BACE2: variants seen among roughly 807,000 people sequenced by gnomAD.
BACE2 encodes the protein beta-secretase 2.
Under a neutral mutation model 46.2 loss-of-function variants are expected in BACE2, and 17 were observed. The ratio of observed to expected loss-of-function variants is 0.37; its 90% CI spans 0.25 to 0.55. The LOEUF (loss-of-function observed/expected upper bound fraction) is 0.55. BACE2 is among the 20% of genes least tolerant of loss of function. BACE2 has a pLI of 0.82. For missense variants in BACE2, 595 were observed against 698.1 expected, an observed-to-expected ratio of 0.85 and a Z score of 1.66; for synonymous variants, 277 against 295.9, an observed-to-expected ratio of 0.94 and a Z score of 0.66.
chr21:41,228,870 CA>C (rs1986894720), intron 2 of BACE2, among the ~76,000 whole-genome samples: 1 of 152,114 alleles, frequency 6.6e-6, no homozygotes, highest in African/African-American at 2.4e-5. Context: ...CCTGGATTTC[CA>C]TAGTAGCGAA....
At chr21:41,189,359 CT>C (rs1408269110) in intron 1 of BACE2, among the ~76,000 whole-genome samples, 1 of 152,186 alleles carries the variant, frequency 6.6e-6, no homozygotes, top group Non-Finnish European at 1.5e-5. Flanking sequence ...CCTTGTCTGT[CT>C]TTTTGGTTCT....
chr21:41,231,465 T>G (rs1986965298), intron 2 of BACE2, among the ~76,000 whole-genome samples: 1 of 152,190 alleles, frequency 6.6e-6, no homozygotes, highest in South Asian at 2.1e-4. Flanking sequence ...GTCGAATGGC[T>G]TAGGAGAACC....
chr21:41,221,962 C>T lies in BACE2; in HGVS notation c.313-4304C>T, dbSNP rs1349379044. Among the ~76,000 whole-genome samples the T allele has an allele frequency of 2.6e-5, 4 of 152,154 alleles. No homozygotes were observed. The East Asian group carries it at 7.7e-4, about 29-fold the overall frequency. On this transcript the variant is annotated intron_variant, in intron 1 of 8. Transcript: ENST00000330333. ...AGGCTTCACGCTGGTGGGGCGGAGG[C>T]AGCAGGAGCTGTCGGGACCCCGTGA...
intron 8 of BACE2, among the ~76,000 whole-genome samples, chr21:41,268,019 C>T (rs2088396883): frequency 6.6e-6 from 1 of 152,186 alleles, no homozygotes; most frequent in Admixed American, 6.5e-5. Context: ...AGATCCTGAC[C>T]TTTCAGAGAA....
chr21:41,264,816 T>C (rs1050411618), intron 8 of BACE2, among the ~76,000 whole-genome samples: 3 of 152,058 alleles, frequency 2.0e-5, no homozygotes, highest in Non-Finnish European at 4.4e-5. Flanking sequence ...TAATACCCTG[T>C]CCACAAAAAA....
chr21:41,242,022 C>A, intron 4 of BACE2, 75 bp downstream of exon 4: 2 of 1,584,566 alleles, frequency 1.3e-6, no homozygotes, highest in Non-Finnish European at 8.6e-7. Flanking sequence ...TATTAAACAC[C>A]TGAGCAGAAA....
chr21:41,198,152 C>G (rs1251230600), intron 1 of BACE2, among the ~76,000 whole-genome samples: 2 of 151,994 alleles, frequency 1.3e-5, no homozygotes, highest in African/African-American at 2.4e-5. Flanking sequence ...CCACCACACC[C>G]AGCTGATGTT....
chr21:41,279,129 C>T lies in BACE2; in HGVS notation c.*3505C>T, dbSNP rs984698086. On this transcript the variant is annotated 3_prime_UTR_variant, in exon 9 of 9. Coordinates refer to ENST00000330333, the MANE Select transcript of BACE2 (RefSeq NM_012105.5). ...TTTTTAATGCCGAGAAAAGTCCATG[C>T]CACAGAAGTTATTGTGTATGTCTCT... The T allele has an allele frequency of 4.0e-5, 6 of 151,762 alleles. No homozygotes were observed. The highest frequency in any genetic ancestry group is 8.8e-5 in the Non-Finnish European group (6 of 67,978). 9.4% of individuals were successfully genotyped at this position (151,762 alleles called of 1,614,324 possible). A position where few individuals can be genotyped will look rare whatever the true frequency, so the allele number is the denominator to read the frequency against.
intron 7 of BACE2, among the ~76,000 whole-genome samples, chr21:41,253,393 G>C (rs543710371): frequency 1.1e-3 from 155 of 146,390 alleles, no homozygotes; most frequent in African/African-American, 3.7e-3. Flanking sequence ...AGTGAGCTGA[G>C]ATCGTGGCAC....
chr21:41,209,123 A>T (rs562681591), intron 1 of BACE2, among the ~76,000 whole-genome samples: 1 of 152,216 alleles, frequency 6.6e-6, no homozygotes, highest in African/African-American at 2.4e-5. Context: ...ACACACCGCC[A>T]GGCCATGGAG....
chr21:41,237,550 G>A lies in BACE2; in HGVS notation c.439G>A (p.Val147Met). Residue 147 changes from valine (V) to methionine (M), a missense_variant, in exon 3 of 9, where the codon GTG (valine) becomes ATG (methionine). By Grantham distance (21) the Val-to-Met change is conservative (BLOSUM62 1). Around this residue, in one of 3 missense-constraint regions of BACE2, gnomAD observed 248 missense variants for 261.4 expected, o/e 0.95. Transcript: ENST00000330333. ...CCGCTCCAAGGGCTTTGACGTCACA[G>A]TGAAGTACACACAAGGAAGCTGGAC... is the stretch of plus-strand genomic sequence containing the variant. ...TYRSKGFDVTVKYTQGSWTGF... is the reference protein window; with the variant it reads ...TYRSKGFDVTMKYTQGSWTGF... 3 of 1,614,220 alleles carry A rather than the reference G, an allele frequency of 1.9e-6. No homozygotes were observed. Among genetic ancestry groups the A allele is most frequent in the Non-Finnish European group, 2.5e-6 (3 of 1,180,026 alleles).
chr21:41,189,653 C>T (rs1985498676), intron 1 of BACE2, among the ~76,000 whole-genome samples: 1 of 152,042 alleles, frequency 6.6e-6, no homozygotes, highest in Non-Finnish European at 1.5e-5. Context: ...GCTGTCTGTT[C>T]ATATTTAAAA....
At chr21:41,269,141 A>T (rs1468047822) in intron 8 of BACE2, among the ~76,000 whole-genome samples, 1 of 151,674 alleles carries the variant, frequency 6.6e-6, no homozygotes, top group Non-Finnish European at 1.5e-5. Flanking sequence ...TTTAGTAGAG[A>T]TGGGGTTTCT....
intron 7 of BACE2, among the ~76,000 whole-genome samples, chr21:41,254,435 CGTGTGTCTGCCTGTT>C (rs1185497709): frequency 7.2e-5 from 11 of 151,912 alleles, no homozygotes; most frequent in African/African-American, 2.4e-4. Flanking sequence ...TCTGTGTATT[CGTGTGTCTGCCTGTT>C]TCATCCAAGT....
chr21:41,264,783 G>A (rs1011956495), intron 8 of BACE2, among the ~76,000 whole-genome samples: 2 of 152,122 alleles, frequency 1.3e-5, no homozygotes, highest in African/African-American at 4.8e-5. Flanking sequence ...GGGACACAGT[G>A]CCAAACCATA....
intron 1 of BACE2, among the ~76,000 whole-genome samples, chr21:41,198,115 C>G (rs1476287257): frequency 6.6e-6 from 1 of 152,126 alleles, no homozygotes; most frequent in Non-Finnish European, 1.5e-5. Context: ...CCTCAGCCCC[C>G]CAAGTAGCTG....
chr21:41,217,465 C>T (rs568031330), intron 1 of BACE2, among the ~76,000 whole-genome samples: 2 of 152,192 alleles, frequency 1.3e-5, no homozygotes, highest in South Asian at 4.2e-4. Context: ...CCGTTTTAGC[C>T]AAGCAACTTC....
At chr21:41,220,420 C>CT (rs921483983) in intron 1 of BACE2, among the ~76,000 whole-genome samples, 1 of 152,206 alleles carries the variant, frequency 6.6e-6, no homozygotes, top group Admixed American at 6.5e-5. Flanking sequence ...CCGCCTTGCT[C>CT]TTTCTGGTGA....
At chr21:41,240,892 T>G (rs1020954440) in intron 3 of BACE2, among the ~76,000 whole-genome samples, 1 of 152,208 alleles carries the variant, frequency 6.6e-6, no homozygotes, top group Non-Finnish European at 1.5e-5. Context: ...GTTTTAGTTC[T>G]CACGGATAGT....
Sources: allele counts gnomAD v4.1 joint callset (sites outside exome capture counted in the v4.1 genomes callset), GRCh38; gene constraint gnomAD v4.1.1; regional missense constraint gnomAD v4.1.1; transcripts MANE v1.5; gene names NCBI Gene and HGNC (gene_info 2026-07-23, HGNC 2026-07-21).